The following CYP7B1 variants were observed in gnomAD, a reference collection of about 807,000 sequenced individuals.
CYP7B1 encodes cytochrome P450 family 7 subfamily B member 1.
A neutral mutation model predicts 42.7 loss-of-function variants in CYP7B1; 29 were observed. The ratio of observed to expected loss-of-function variants is 0.68; its 90% CI spans 0.51 to 0.93. CYP7B1 has a LOEUF of 0.93. Ranked by LOEUF, CYP7B1 falls within the 40% of genes least tolerant of loss-of-function variation. The pLI is 0.00. For missense variants in CYP7B1, 655 were observed against 600.5 expected, an observed-to-expected ratio of 1.09 and a Z score of -0.95; for synonymous variants, 235 against 218.2, an observed-to-expected ratio of 1.08 and a Z score of -0.68.
At chr8:64,588,553 TA>T (rs1430596226), downstream of CYP7B1, among the ~76,000 whole-genome samples, 1 of 152,228 alleles carries the variant, frequency 6.6e-6, no homozygotes, top group Non-Finnish European at 1.5e-5. Context: ...AACCTCATTT[TA>T]TACATTTATC....
At chr8:64,760,915 C>T (rs1428251671) in intron 1 of CYP7B1, among the ~76,000 whole-genome samples, 2 of 152,108 alleles carry the variant, frequency 1.3e-5, no homozygotes, top group Admixed American at 6.6e-5. Flanking sequence ...TTCATTGTAG[C>T]ATTATTCACA....
At chr8:64,679,329 G>A (rs113615785) in intron 1 of CYP7B1, among the ~76,000 whole-genome samples, 9 of 152,260 alleles carry the variant, frequency 5.9e-5, no homozygotes, top group African/African-American at 1.9e-4. Context: ...GCCAGTGACA[G>A]GGGCTGATAG....
At chr8:64,665,421 G>T (rs1806259631) in intron 1 of CYP7B1, among the ~76,000 whole-genome samples, 2 of 152,072 alleles carry the variant, frequency 1.3e-5, no homozygotes, top group Admixed American at 1.3e-4. Context: ...AATGCTGGAG[G>T]AGTGCATTCA....
intron 1 of CYP7B1, among the ~76,000 whole-genome samples, chr8:64,687,421 G>T (rs1281008260): frequency 6.6e-6 from 1 of 152,116 alleles, no homozygotes; most frequent in Non-Finnish European, 1.5e-5. Flanking sequence ...ATGAGGGGAG[G>T]AAGGAATGAG....
intron 1 of CYP7B1, among the ~76,000 whole-genome samples, chr8:64,670,267 A>C (rs1262781913): frequency 6.6e-6 from 1 of 152,140 alleles, no homozygotes; most frequent in Non-Finnish European, 1.5e-5. Flanking sequence ...ACTTTACACC[A>C]ATGTTCCTAT....
At chr8:64,629,094 G>T (rs368845769) in intron 1 of CYP7B1, among the ~76,000 whole-genome samples, 3 of 152,036 alleles carry the variant, frequency 2.0e-5, no homozygotes, top group Non-Finnish European at 4.4e-5. Flanking sequence ...AGGCATGGTG[G>T]TGGGCACCTG....
Position 64,637,573 on chromosome 8 carries a change from T to C in CYP7B1, c.123-13034A>G, listed in dbSNP as rs566283095. 7.2e-5 allele frequency among the ~76,000 whole-genome samples: 11 copies of C among 152,288 alleles called. No individual in the cohort carries two copies. In the East Asian group the frequency reaches 1.7e-3, roughly 24 times the overall value. On this transcript the variant is annotated intron_variant, in intron 1 of 5. Transcript: ENST00000310193. ...ATCACCAGTATTAGAACATGGGACA[T>C]AGAAGGCACAGCATCATATTTATAT...
rs35575527 is a variant in CYP7B1, at chr8:64,695,603, CTTTTTTTTTTT to C, written c.123-71075_123-71065del. Among the ~76,000 whole-genome samples the C allele has an allele frequency of 1.3e-4, 13 of 100,144 alleles. No individual in the cohort carries two copies. The East Asian group carries it at 1.5e-3, about 12-fold the overall frequency. 65.7% of individuals were successfully genotyped at this position (100,144 alleles called of 152,430 possible). A position where few individuals can be genotyped will look rare whatever the true frequency, so the allele number is the denominator to read the frequency against. ...CAAAATAAAACATGTTATCAAATTC[CTTTTTTTTTTT>C]TTTTTTTTTTTTTTTAAGGAAAATA... On this transcript the variant is annotated intron_variant, in intron 1 of 5. Transcript: ENST00000310193.
chr8:64,618,592 C>CTCTCTT (rs1311784282), intron 2 of CYP7B1, among the ~76,000 whole-genome samples: 3 of 150,742 alleles, frequency 2.0e-5, no homozygotes, highest in Non-Finnish European at 4.4e-5. Context: ...CTCTCTCTTT[C>CTCTCTT]TCTCTCTCTC....
intron 1 of CYP7B1, among the ~76,000 whole-genome samples, chr8:64,631,089 G>C (rs537131052): frequency 6.6e-5 from 10 of 152,170 alleles, no homozygotes; most frequent in Non-Finnish European, 1.2e-4. Flanking sequence ...CATGAGGCCA[G>C]CATTACCCTA....
chr8:64,604,205 A>G (rs1340423730), intron 5 of CYP7B1, among the ~76,000 whole-genome samples: 3 of 152,224 alleles, frequency 2.0e-5, no homozygotes, highest in Admixed American at 1.3e-4. Flanking sequence ...GAAGGGGCAC[A>G]TACCTTTCAT....
intron 1 of CYP7B1, 58 bp from the exon 2 acceptor site, chr8:64,624,597 G>C (rs536590898): frequency 4.7e-5 from 75 of 1,590,006 alleles, no homozygotes; most frequent in Non-Finnish European, 6.3e-5. Context: ...ATTCTTATTC[G>C]AATACAGGTG....
At chr8:64,762,738 A>C (rs1412971863) in intron 1 of CYP7B1, among the ~76,000 whole-genome samples, 1 of 152,232 alleles carries the variant, frequency 6.6e-6, no homozygotes, top group East Asian at 1.9e-4. Context: ...GCTTTTATAT[A>C]ACAGTTTTAT....
chr8:64,639,351 T>C (rs568508936), intron 1 of CYP7B1, among the ~76,000 whole-genome samples: 1 of 152,216 alleles, frequency 6.6e-6, no homozygotes, highest in South Asian at 2.1e-4. Flanking sequence ...TTGAAATATA[T>C]AGATGCTGAT....
intron 1 of CYP7B1, among the ~76,000 whole-genome samples, chr8:64,747,017 G>A (rs570814127): frequency 5.3e-5 from 8 of 151,044 alleles, no homozygotes; most frequent in African/African-American, 1.5e-4. Context: ...TTACTATTAT[G>A]GAGTAATATA....
At chr8:64,746,876 T>G (rs1807651104) in intron 1 of CYP7B1, among the ~76,000 whole-genome samples, 1 of 151,988 alleles carries the variant, frequency 6.6e-6, no homozygotes, top group African/African-American at 2.4e-5. Context: ...TGGAATGTAT[T>G]TAATCCCAAT....
chr8:64,778,007 T>C (rs1804355491), intron 1 of CYP7B1, among the ~76,000 whole-genome samples: 1 of 151,754 alleles, frequency 6.6e-6, no homozygotes, highest in South Asian at 2.1e-4. Flanking sequence ...CCATATACTA[T>C]TGCCTGCAAG....
intron 1 of CYP7B1, among the ~76,000 whole-genome samples, chr8:64,687,917 G>T (rs1223665530): frequency 6.6e-6 from 1 of 152,132 alleles, no homozygotes; most frequent in Non-Finnish European, 1.5e-5. Flanking sequence ...TCTACCTAAG[G>T]TTGTCTGCAA....
rs8192897 is a variant in CYP7B1, at chr8:64,615,519, C to CAA, written c.850+170_850+171dup. ...TAAGTATCTTGTTTTACCACCTCAG[C>CAA]AAAAAAAAAAAAAATATCAATTATA... is the stretch of plus-strand genomic sequence containing the variant. On this transcript the variant is annotated intron_variant, in intron 3 of 5. Transcript: ENST00000310193. Among the ~76,000 whole-genome samples the CAA allele has an allele frequency of 4.1e-4, 47 of 114,936 alleles. No individual in the cohort carries two copies. In the South Asian group the frequency reaches 7.2e-3, roughly 18 times the overall value. The allele number at this position is 114,936 out of a possible 152,430, so 75.4% of individuals were successfully genotyped here.
Sources: gnomAD v4.1 joint callset for allele counts (sites outside exome capture counted in the v4.1 genomes callset) on GRCh38, gnomAD v4.1.1 for gene constraint, MANE v1.5 for transcripts, NCBI Gene and HGNC (gene_info 2026-07-23, HGNC 2026-07-21) for gene names.